TTN: variants seen among roughly 807,000 people sequenced by gnomAD.
TTN encodes titin.
TTN carries 1,525 observed loss-of-function variants against 3,223.0 expected under a neutral mutation model. That is an observed-to-expected ratio of 0.47 (90% CI 0.45 to 0.49). The LOEUF (loss-of-function observed/expected upper bound fraction) is 0.49, where lower values mean the gene tolerates loss of function less well. Ranked by LOEUF, TTN falls within the 20% of genes least tolerant of loss-of-function variation. The pLI, the probability that TTN is intolerant of heterozygous loss-of-function variation, is 0.00. For missense variants in TTN, 40,786 were observed against 43,424.0 expected, an observed-to-expected ratio of 0.94 and a Z score of 5.40; for synonymous variants, 14,094 against 15,161.0, an observed-to-expected ratio of 0.93 and a Z score of 5.17.
In TTN at chr2:178,727,744, C is replaced by T; in HGVS notation, c.19834G>A (p.Val6612Met). 1 of 1,613,386 alleles carries T rather than the reference C, an allele frequency of 6.2e-7. No homozygotes were observed. Among genetic ancestry groups the T allele is most frequent in the Non-Finnish European group, 8.5e-7 (1 of 1,179,470 alleles). Residue 6612 changes from valine (V) to methionine (M), a missense_variant, in exon 68 of 363, where the codon GTG becomes ATG. Val to Met is a conservative substitution (Grantham distance 21). Transcript: ENST00000589042. ...PFKIKWFKDD[V>M]ELVSGPKCFI... ...CATTTAGGACCTGAGACAAGTTCCA[C>T]ATCATCCTTAAACCATTTTATTTTA... is the stretch of plus-strand genomic sequence containing the variant.
At chr2:178,661,704 A>AT in intron 180 of TTN, 55 bp downstream of exon 180, 2 of 1,298,332 alleles carry the variant, frequency 1.5e-6, no homozygotes, top group Non-Finnish European at 2.0e-6. Flanking sequence ...AAAGAAAAAT[A>AT]TTTTCCAGAG....
chr2:178,632,376 T>G lies in TTN; in HGVS notation c.43518A>C (p.Val14506=). Residue 14506 remains valine, a synonymous_variant, in exon 236 of 363, where the codon GTA becomes GTC. Coordinates refer to ENST00000589042, the MANE Select transcript of TTN (RefSeq NM_001267550.2). ...RLKFLTPLKD[V]TAKEKESAVF... ...CAGCACTTTCCTTCTCTTTGGCAGT[T>G]ACATCTTTGAGAGGGGTGAGGAATT... is the stretch of plus-strand genomic sequence containing the variant. 1 of 1,601,094 alleles carries G rather than the reference T, an allele frequency of 6.2e-7. No individual in the cohort carries two copies. Among genetic ancestry groups the G allele is most frequent in the African/African-American group, 1.3e-5 (1 of 74,786 alleles).
rs1453250932 is a variant in TTN, at chr2:178,587,169, G to A, written c.64042C>T (p.Pro21348Ser). 1.2e-6 allele frequency: 2 copies of A among 1,613,074 alleles called. No individual in the cohort carries two copies. Among genetic ancestry groups the A allele is most frequent in the Non-Finnish European group, 1.7e-6 (2 of 1,179,430 alleles). Residue 21348 changes from proline to serine, a missense_variant, in exon 307 of 363, where the codon CCT (proline) becomes TCT (serine). Physicochemically the swap from Pro to Ser is moderately conservative, Grantham distance 74. Coordinates refer to ENST00000589042, the MANE Select transcript of TTN (RefSeq NM_001267550.2). ...FRVTAVNEYG[P>S]GVPTDVPKPV... is the part of the protein sequence containing the mutation. The stretch of plus-strand genomic sequence containing the variant: ...TTTGGGACATCTGTTGGGACGCCAG[G>A]GCCATATTCGTTGACAGCAGTTACT...
At position 178,608,287 on chromosome 2, in the gene TTN, A is replaced by G. The variant is rs761084280; in HGVS notation, c.52596T>C (p.Asp17532=). The G allele has an allele frequency of 2.5e-6, 4 of 1,612,098 alleles. No individual in the cohort carries two copies. Among genetic ancestry groups the G allele is most frequent in the African/African-American group, 2.7e-5 (2 of 74,836 alleles). Residue 17532 remains aspartate (D), a synonymous_variant, in exon 275 of 363, where the codon GAT becomes GAC. Coordinates refer to ENST00000589042, the MANE Select transcript of TTN (RefSeq NM_001267550.2). ...SLLNALKANV[D]GLLEGLTYVF... ...CATAGGTGAGTCCTTCTAATAAGCC[A>G]TCTACATTGGCTTTCAAGGCATTCA... is the stretch of plus-strand genomic sequence containing the variant.
chr2:178,693,728 T>C, intron 118 of TTN, 39 bp from the exon 119 acceptor site: 1 of 1,452,012 alleles, frequency 6.9e-7, no homozygotes, highest in East Asian at 2.3e-5. Flanking sequence ...ATATGCCATG[T>C]TGTGGGTGGT....
rs751517893 is a variant in TTN at position 178,612,861 on chromosome 2, T to C, written c.49860A>G (p.Glu16620=). The change falls in exon 265 of 363, where the codon GAA becomes GAG. Residue 16620 remains glutamate (E), a synonymous_variant. Coordinates refer to ENST00000589042, the MANE Select transcript of TTN (RefSeq NM_001267550.2). ...HLLPGLMEGQ[E]YSFRVRAVNK... is the part of the protein sequence containing the mutation. ...TCACAGCTCTAACTCGGAATGAGTATTCCTGTCCTTCCATGAGCCCTGGGA... is the reference window on the plus strand; with the variant it reads ...TCACAGCTCTAACTCGGAATGAGTACTCCTGTCCTTCCATGAGCCCTGGGA... 1.9e-6 allele frequency: 3 copies of C among 1,612,542 alleles called. No individual in the cohort carries two copies. The South Asian group carries it at 3.3e-5, about 18-fold the overall frequency.
rs377667809 is a variant in TTN at position 178,561,481 on chromosome 2, G to A, written c.84651C>T (p.Ser28217=). The change falls in exon 326 of 363, where the codon TCC becomes TCT. Residue 28217 remains serine, a synonymous_variant. Transcript: ENST00000589042. The part of the protein sequence containing the change: ...ILIADTQMKV[S]GLDEGLMYEY... ...CATACATCAGTCCTTCATCAAGGCC[G>A]GAGACTTTCATTTGAGTATCAGCAA... is the stretch of plus-strand genomic sequence containing the variant. 12 of 1,613,562 alleles carry A rather than the reference G, an allele frequency of 7.4e-6. No homozygotes were observed. Among genetic ancestry groups the A allele is most frequent in the East Asian group, 2.2e-5 (1 of 44,826 alleles).
intron 236 of TTN, 26 bp from the exon 237 acceptor site, chr2:178,631,326 C>T: frequency 6.3e-7 from 1 of 1,580,632 alleles, no homozygotes; most frequent in Non-Finnish European, 8.6e-7. Flanking sequence ...AAGTGAAAAG[C>T]TTTTATTAAT....
chr2:178,599,517 A>G, intron 289 of TTN, 37 bp downstream of exon 289: 1 of 1,521,108 alleles, frequency 6.6e-7, no homozygotes, highest in Non-Finnish European at 8.8e-7. Context: ...TATGAACAGA[A>G]AAACAAGTAA....
rs777054402 is a variant in TTN at position 178,609,780 on chromosome 2, C to A, written c.51643G>T (p.Gly17215Trp). 7.4e-6 allele frequency: 12 copies of A among 1,612,734 alleles called. No individual in the cohort carries two copies. The highest frequency in any genetic ancestry group is 1.0e-5 in the Non-Finnish European group (12 of 1,179,214). Residue 17215 changes from glycine (G) to tryptophan (W), a missense_variant, in exon 272 of 363, where the codon GGG becomes TGG. Gly to Trp is a radical substitution (Grantham distance 184). Transcript: ENST00000589042. ...LTYTAKGLEE[G>W]KEYQFRVRAE... ...CGCACACGGAATTGGTACTCTTTCC[C>A]CTCTTCAAGTCCTTTTGCTGTATAG...
intron 119 of TTN, among the ~76,000 whole-genome samples, chr2:178,693,003 T>C (rs2072848034): frequency 6.6e-6 from 1 of 152,076 alleles, no homozygotes; most frequent in South Asian, 2.1e-4. Flanking sequence ...CCTTGATCTA[T>C]AGTGCTTGCA....
Position 178,769,059 on chromosome 2 carries a change from A to G in TTN, c.8903-126T>C, listed in dbSNP as rs2091032006. On this transcript the variant is annotated intron_variant, in intron 37 of 362. Coordinates refer to ENST00000589042, the MANE Select transcript of TTN (RefSeq NM_001267550.2). ...CTGTTGAGGAGATTACAGTTTAGAG[A>G]TATAAGCTTTGATACCTTCCATGTA... 7 of 1,110,806 alleles carry G rather than the reference A, an allele frequency of 6.3e-6. No homozygotes were observed. The East Asian group carries it at 1.3e-4, about 20-fold the overall frequency. 68.8% of individuals were successfully genotyped at this position (1,110,806 alleles called of 1,614,324 possible).
intron 159 of TTN, among the ~76,000 whole-genome samples, chr2:178,668,700 G>A (rs1317514566): frequency 6.7e-6 from 1 of 149,648 alleles, no homozygotes; most frequent in East Asian, 2.0e-4. Flanking sequence ...CCACTGCACT[G>A]CAGCCTGGGT....
Position 178,530,537 on chromosome 2 carries a change from CACAA to C in TTN, c.106074_106077del (p.Cys35359ArgfsTer45), listed in dbSNP as rs1428236484. On this transcript the variant is annotated frameshift_variant, in exon 358 of 363. Coordinates refer to ENST00000589042, the MANE Select transcript of TTN (RefSeq NM_001267550.2). LOFTEE classifies it high-confidence loss of function. ...GACGTTCCACCTTCACCAGAAATCT[CACAA>C]ACATATTCTCCTTGATCAGATTCAG... 4 of 1,614,018 alleles carry C rather than the reference CACAA, an allele frequency of 2.5e-6. No individual in the cohort carries two copies. The South Asian group carries it at 3.3e-5, about 13-fold the overall frequency.
At chr2:178,763,156 G>T (rs1419461719) in intron 43 of TTN, among the ~76,000 whole-genome samples, 1 of 152,178 alleles carries the variant, frequency 6.6e-6, no homozygotes, top group East Asian at 1.9e-4. Flanking sequence ...CTTTGGCTGG[G>T]AAACTCTCAA....
intron 357 of TTN, 55 bp downstream of exon 357, chr2:178,535,927 C>G: frequency 6.6e-7 from 1 of 1,514,272 alleles, no homozygotes; most frequent in Non-Finnish European, 8.8e-7. Flanking sequence ...TAGCCTCCAC[C>G]CCCAAGTTAA....
rs1342910394 is a variant in TTN at position 178,526,607 on chromosome 2, A to G, written c.*405T>C. 8.6e-5 allele frequency: 14 copies of G among 162,652 alleles called. No individual in the cohort carries two copies. The highest frequency in any genetic ancestry group is 1.8e-4 in the Admixed American group (3 of 16,668). The allele number at this position is 162,652 out of a possible 1,614,324, so 10.1% of individuals were successfully genotyped here. A position where few individuals can be genotyped will look rare whatever the true frequency, so the allele number is the denominator to read the frequency against. ...CTTTTAGGTGGACAGGACATCTTCA[A>G]TGGGGATTTTCTCAACCCACTGAGG... On this transcript the variant is annotated 3_prime_UTR_variant, in exon 363 of 363. Coordinates refer to ENST00000589042, the MANE Select transcript of TTN (RefSeq NM_001267550.2).
At chr2:178,619,497 A>C (rs1157569947) in intron 250 of TTN, 124 bp downstream of exon 250, 1 of 1,240,654 alleles carries the variant, frequency 8.1e-7, no homozygotes, top group African/African-American at 1.5e-5. Context: ...TAGAGTTGTT[A>C]ACATGTGGGT....
intron 47 of TTN, chr2:178,751,619 G>A (rs868064186): frequency 1.9e-6 from 3 of 1,613,316 alleles, no homozygotes; most frequent in Non-Finnish European, 2.5e-6. Flanking sequence ...AACAAGCAAT[G>A]ATGCAGTTGA....
Sources: allele counts gnomAD v4.1 joint callset (sites outside exome capture counted in the v4.1 genomes callset), GRCh38; gene constraint gnomAD v4.1.1; transcripts MANE v1.5; gene names NCBI Gene and HGNC (gene_info 2026-07-23, HGNC 2026-07-21).